NEDD4L: variants seen among roughly 807,000 people sequenced by gnomAD.
NEDD4L encodes the protein E3 ubiquitin-protein ligase NEDD4-like.
A neutral mutation model predicts 148.9 loss-of-function variants in NEDD4L; 54 were observed. That is an observed-to-expected ratio of 0.36 (90% CI 0.29 to 0.45). The LOEUF is 0.45. Ranked by LOEUF, NEDD4L falls within the 20% of genes least tolerant of loss-of-function variation. The pLI is 1.00. For synonymous variants in NEDD4L, 433 were observed against 440.7 expected (o/e 0.98, Z 0.22); for missense variants, 856 against 1,233.8 (o/e 0.69, Z 4.59).
intron 5 of NEDD4L, among the ~76,000 whole-genome samples, chr18:58,274,677 C>T (rs910939405): frequency 1.3e-5 from 2 of 152,194 alleles, no homozygotes; most frequent in African/African-American, 4.8e-5. Flanking sequence ...GCACCAAGAT[C>T]CAGTTCTTTT....
chr18:58,292,354 T>C (rs929516401), intron 5 of NEDD4L, among the ~76,000 whole-genome samples: 9 of 152,220 alleles, frequency 5.9e-5, no homozygotes, highest in Non-Finnish European at 1.0e-4. Flanking sequence ...AGCCAGGTTG[T>C]CCTCTCCTGG....
intron 1 of NEDD4L, among the ~76,000 whole-genome samples, chr18:58,067,026 T>A (rs569791969): frequency 2.5e-3 from 375 of 152,140 alleles, no homozygotes; most frequent in Middle Eastern, 0.01. Flanking sequence ...TTTGTCATTT[T>A]AAAAAAAAAT....
chr18:58,282,841 G>T (rs978984366), intron 5 of NEDD4L, among the ~76,000 whole-genome samples: 1 of 152,164 alleles, frequency 6.6e-6, no homozygotes, highest in Non-Finnish European at 1.5e-5. Context: ...GGATAGGCTA[G>T]ATCATGTTGA....
At chr18:58,291,212 G>A (rs1167521264) in intron 5 of NEDD4L, among the ~76,000 whole-genome samples, 2 of 152,118 alleles carry the variant, frequency 1.3e-5, no homozygotes, top group Non-Finnish European at 2.9e-5. Context: ...AGAGAACCAG[G>A]CCGACCGACC....
intron 5 of NEDD4L, chr18:58,255,979 C>T (rs2048481251): frequency 2.4e-6 from 3 of 1,230,808 alleles, no homozygotes; most frequent in Non-Finnish European, 3.0e-6. Context: ...CCGAGGGCGC[C>T]GACGATGGGC....
At chr18:58,350,418 AT>A (rs895093545) in intron 17 of NEDD4L, among the ~76,000 whole-genome samples, 24 of 152,264 alleles carry the variant, frequency 1.6e-4, no homozygotes, top group African/African-American at 5.8e-4. Context: ...AAAAGAAAGC[AT>A]TTTTTTCTGA....
chr18:58,226,318 CA>C, intron 2 of NEDD4L, among the ~76,000 whole-genome samples: 1 of 152,316 alleles, frequency 6.6e-6, no homozygotes. Flanking sequence ...CCATTGAAGG[CA>C]AAAGTGCCCT....
chr18:58,099,064 GA>G (rs2084600101), intron 1 of NEDD4L, among the ~76,000 whole-genome samples: 1 of 152,310 alleles, frequency 6.6e-6, no homozygotes, highest in African/African-American at 2.4e-5. Context: ...TGGGACACAT[GA>G]AATTATAGAG....
At chr18:58,332,400 C>T (rs55979049) in intron 11 of NEDD4L, among the ~76,000 whole-genome samples, 70,964 of 151,996 alleles carry the variant, frequency 0.47, 17,328 homozygotes, top group East Asian at 0.66. Flanking sequence ...ATAATCCCAG[C>T]ACTTTGAGAG....
intron 2 of NEDD4L, among the ~76,000 whole-genome samples, chr18:58,235,969 G>C (rs1407877101): frequency 6.6e-6 from 1 of 152,018 alleles, no homozygotes; most frequent in East Asian, 1.9e-4. Flanking sequence ...GGAGGCGGAG[G>C]CTGCAGTGAA....
At chr18:58,280,980 C>CT (rs1410866976) in intron 5 of NEDD4L, among the ~76,000 whole-genome samples, 1 of 151,956 alleles carries the variant, frequency 6.6e-6, no homozygotes, top group African/African-American at 2.4e-5. Context: ...CTTTTCTTTT[C>CT]TTTTTTTGTT....
At chr18:58,085,512 C>A (rs1438083512) in intron 1 of NEDD4L, among the ~76,000 whole-genome samples, 1 of 152,098 alleles carries the variant, frequency 6.6e-6, no homozygotes, top group African/African-American at 2.4e-5. Flanking sequence ...ATGAGGCGAT[C>A]CCAAGGGAAG....
chr18:58,216,552 T>G (rs2043173770), intron 2 of NEDD4L, among the ~76,000 whole-genome samples: 1 of 152,108 alleles, frequency 6.6e-6, no homozygotes, highest in African/African-American at 2.4e-5. Context: ...GAGATTAAAT[T>G]TGGGGATGGA....
intron 2 of NEDD4L, among the ~76,000 whole-genome samples, chr18:58,218,846 T>G (rs1207905137): frequency 6.6e-6 from 1 of 152,166 alleles, no homozygotes; most frequent in African/African-American, 2.4e-5. Flanking sequence ...GGTGGCAGTT[T>G]TCATTTTGGG....
intron 10 of NEDD4L, among the ~76,000 whole-genome samples, chr18:58,329,598 G>A (rs1041173105): frequency 4.0e-5 from 6 of 151,286 alleles, no homozygotes; most frequent in African/African-American, 1.5e-4. Context: ...CTCGAGATCC[G>A]CCTGCTGCCT....
chr18:58,282,077 T>G (rs915565870), intron 5 of NEDD4L, among the ~76,000 whole-genome samples: 1 of 145,402 alleles, frequency 6.9e-6, no homozygotes, highest in East Asian at 1.9e-4. Flanking sequence ...AAACATATTT[T>G]AAATTAAAAG....
intron 1 of NEDD4L, among the ~76,000 whole-genome samples, chr18:58,069,185 G>A (rs1056099272): frequency 2.0e-5 from 3 of 149,934 alleles, no homozygotes; most frequent in African/African-American, 7.4e-5. Flanking sequence ...ATGTTCCCCT[G>A]TGGTTCCCTG....
chr18:58,251,102 A>G (rs1212690635), intron 4 of NEDD4L, among the ~76,000 whole-genome samples: 1 of 152,164 alleles, frequency 6.6e-6, no homozygotes, highest in African/African-American at 2.4e-5. Context: ...TGGGCAAGTT[A>G]CTTCACTGAA....
chr18:58,298,274 A>G (rs2055961256), intron 5 of NEDD4L, among the ~76,000 whole-genome samples: 1 of 152,180 alleles, frequency 6.6e-6, no homozygotes, highest in Non-Finnish European at 1.5e-5. Context: ...TATATGTTTT[A>G]AGGGAACCTG....
Sources: allele counts gnomAD v4.1 joint callset (sites outside exome capture counted in the v4.1 genomes callset), GRCh38; gene constraint gnomAD v4.1.1; transcripts MANE v1.5; gene names NCBI Gene and HGNC (gene_info 2026-07-23, HGNC 2026-07-21).